SETD5: variants seen among roughly 807,000 people sequenced by gnomAD.
SETD5 encodes histone-lysine N-methyltransferase SETD5.
Under a neutral mutation model 153.3 loss-of-function variants are expected in SETD5, and 44 were observed. The observed-to-expected ratio is 0.29, with a 90% CI of 0.23 to 0.37. The LOEUF is 0.37. SETD5 is among the 10% of genes least tolerant of loss of function. The pLI, the probability that SETD5 is intolerant of heterozygous loss-of-function variation, is 1.00. For synonymous variants in SETD5, 716 were observed against 645.2 expected (o/e 1.11, Z -1.66); for missense variants, 1,544 against 1,768.0 (o/e 0.87, Z 2.27).
chr3:9,437,132 G>C (rs1364950563), intron 7 of SETD5, among the ~76,000 whole-genome samples: 1 of 152,006 alleles, frequency 6.6e-6, no homozygotes, highest in African/African-American at 2.4e-5. Flanking sequence ...GCTTTCCTAG[G>C]GGGTAAGTGA....
chr3:9,415,161 A>T (rs534683214), intron 1 of SETD5, among the ~76,000 whole-genome samples: 3 of 152,212 alleles, frequency 2.0e-5, no homozygotes, highest in Non-Finnish European at 4.4e-5. Context: ...AGTTTATACC[A>T]GTTGTATTCC....
chr3:9,453,628 C>G, intron 16 of SETD5, 111 bp from the exon 17 acceptor site: 1 of 987,098 alleles, frequency 1.0e-6, no homozygotes, highest in Non-Finnish European at 1.4e-6. Flanking sequence ...GACTGTGTAA[C>G]TGAATTAGTG....
chr3:9,459,598 G>A (rs1317451064), intron 17 of SETD5, among the ~76,000 whole-genome samples: 6 of 149,408 alleles, frequency 4.0e-5, no homozygotes, highest in South Asian at 2.1e-4. Context: ...GCGAAACCCC[G>A]TCTCTACTAA....
chr3:9,434,376 G>A lies in SETD5; in HGVS notation c.220G>A (p.Val74Ile), dbSNP rs756294219. ...RSDLNGLPSP[V>I]EERCGDSPNS... ...TGACCTGAATGGCCTGCCGTCGCCT[G>A]TAGAGGAACGCTGTGGAGACAGCCC... The change falls in exon 5 of 23, where the codon GTA becomes ATA. Residue 74 changes from valine to isoleucine, a missense_variant. By Grantham distance (29) the Val-to-Ile change is conservative. Coordinates refer to ENST00000402198, the MANE Select transcript of SETD5 (RefSeq NM_001080517.3). This position sits in a 1 kb window ranked among gnomAD's most constrained non-coding sequence, Gnocchi z 5.6. 1.5e-5 allele frequency: 25 copies of A among 1,613,928 alleles called. No homozygotes were observed. Among genetic ancestry groups the A allele is most frequent in the South Asian group, 1.3e-4 (12 of 91,076 alleles).
intron 1 of SETD5, among the ~76,000 whole-genome samples, chr3:9,420,426 T>C (rs1165775714): frequency 1.3e-5 from 2 of 152,112 alleles, no homozygotes; most frequent in Non-Finnish European, 2.9e-5. Flanking sequence ...TTAATGGCCT[T>C]TTATTCTAGT....
chr3:9,429,753 C>T (rs2039754998), intron 3 of SETD5: 5 of 1,018,378 alleles, frequency 4.9e-6, no homozygotes, highest in East Asian at 7.2e-5. Context: ...TTAAGTTGTC[C>T]GAGATTCCCC....
At chr3:9,438,163 A>G (rs1166396085) in intron 7 of SETD5, among the ~76,000 whole-genome samples, 8 of 152,188 alleles carry the variant, frequency 5.3e-5, no homozygotes, top group Admixed American at 5.2e-4. Context: ...TACCTGTGAA[A>G]GAGTTGGGAG....
Position 9,476,371 on chromosome 3 carries a change from A to G in SETD5, c.*280A>G. Reference sequence around the variant, plus strand: ...TGGTGTTTCGGTTAGTAACGGTTCTAAGTGCAATGAGTTGTGTTGAAGCCT... The same window carrying G: ...TGGTGTTTCGGTTAGTAACGGTTCTGAGTGCAATGAGTTGTGTTGAAGCCT... On this transcript the variant is annotated 3_prime_UTR_variant, in exon 23 of 23. Transcript: ENST00000402198. 2.5e-6 allele frequency: 1 copy of G among 396,756 alleles called. No individual in the cohort carries two copies. Among genetic ancestry groups the G allele is most frequent in the Non-Finnish European group, 4.6e-6 (1 of 215,212 alleles). The allele number at this position is 396,756 out of a possible 1,614,324, so 24.6% of individuals were successfully genotyped here.
chr3:9,430,982 T>C (rs960821283), intron 3 of SETD5: 1 of 985,358 alleles, frequency 1.0e-6, no homozygotes, highest in Admixed American at 6.1e-5. Context: ...TGTCAGTAAC[T>C]AGCTACATAC....
chr3:9,470,987 T>G, intron 19 of SETD5, 58 bp downstream of exon 19: 1 of 878,666 alleles, frequency 1.1e-6, no homozygotes. Context: ...AGTAGTTTAG[T>G]AGATATTCAT....
intron 3 of SETD5, chr3:9,431,042 T>C (rs1051387670): frequency 1.2e-5 from 12 of 985,310 alleles, no homozygotes; most frequent in Non-Finnish European, 1.4e-5. Flanking sequence ...TCATGCCTAT[T>C]TCGCTGTTCT....
chr3:9,413,559 C>T (rs934994512), intron 1 of SETD5, among the ~76,000 whole-genome samples: 3 of 151,382 alleles, frequency 2.0e-5, no homozygotes, highest in Non-Finnish European at 4.4e-5. Flanking sequence ...ATCTGGAACA[C>T]GGATGAAGGA....
chr3:9,450,645 A>T lies in SETD5; in HGVS notation c.2346+2015A>T, dbSNP rs1168135562. 2.0e-5 allele frequency among the ~76,000 whole-genome samples: 3 copies of T among 152,242 alleles called. No homozygotes were observed. In the East Asian group the frequency reaches 5.8e-4, roughly 29 times the overall value. On this transcript the variant is annotated intron_variant, in intron 16 of 22. Transcript: ENST00000402198. ...TGCAGAACCTAAGAACATTTTCATTATTCAACAAAATTGTAATAAAATTCT... is the reference window on the plus strand; with the variant it reads ...TGCAGAACCTAAGAACATTTTCATTTTTCAACAAAATTGTAATAAAATTCT...
At chr3:9,408,185 G>A (rs1559349735) in intron 1 of SETD5, among the ~76,000 whole-genome samples, 1 of 152,114 alleles carries the variant, frequency 6.6e-6, no homozygotes, top group Admixed American at 6.5e-5. Context: ...ACTTTTAGTC[G>A]CTACCTAGCA....
At chr3:9,444,276 G>T (rs1202859759) in intron 11 of SETD5, among the ~76,000 whole-genome samples, 1 of 152,120 alleles carries the variant, frequency 6.6e-6, no homozygotes, top group Non-Finnish European at 1.5e-5. Flanking sequence ...GTCATTTGGG[G>T]CAAAATAGAG....
chr3:9,439,227 G>A (rs1403124759), intron 7 of SETD5, among the ~76,000 whole-genome samples: 2 of 152,178 alleles, frequency 1.3e-5, no homozygotes, highest in Admixed American at 1.3e-4. Flanking sequence ...TTGGCTTTAG[G>A]TGTTTCTTTA....
intron 2 of SETD5, among the ~76,000 whole-genome samples, chr3:9,428,087 C>T (rs1341993670): frequency 6.6e-6 from 1 of 152,088 alleles, no homozygotes; most frequent in Admixed American, 6.6e-5. Context: ...TTTAGGTTCA[C>T]AGGAAAATTC....
At chr3:9,441,442 T>C in intron 8 of SETD5, 151 bp from the exon 9 acceptor site, 1 of 681,766 alleles carries the variant, frequency 1.5e-6, no homozygotes, top group African/African-American at 1.8e-5. Context: ...TGAGCTTTCA[T>C]CACATTTTAA....
At chr3:9,433,063 T>C (rs1374817002) in intron 3 of SETD5, among the ~76,000 whole-genome samples, 3 of 152,188 alleles carry the variant, frequency 2.0e-5, no homozygotes, top group African/African-American at 7.2e-5. Flanking sequence ...CCATGTTTAG[T>C]GGTTGCTGAA....
Sources: allele counts gnomAD v4.1 joint callset (sites outside exome capture counted in the v4.1 genomes callset), GRCh38; gene constraint gnomAD v4.1.1; non-coding constraint Gnocchi (gnomAD v3.1); transcripts MANE v1.5; gene names NCBI Gene and HGNC (gene_info 2026-07-23, HGNC 2026-07-21).